The following CHODL variants were observed in gnomAD, a reference collection of about 807,000 sequenced individuals.
CHODL encodes transmembrane protein MT75.
CHODL carries 29 observed loss-of-function variants against 34.5 expected under a neutral mutation model. The observed-to-expected ratio is 0.84, with a 90% CI of 0.63 to 1.15. The LOEUF is 1.15. CHODL is among the 50% of genes most tolerant of loss of function. The probability of loss-of-function intolerance (pLI) is 0.00; values close to 1 mark genes in which losing one functional copy is unlikely to be tolerated. For synonymous variants in CHODL, 125 were observed against 116.1 expected (o/e 1.08, Z -0.49); for missense variants, 332 against 332.5 (o/e 1.00, Z 0.01).
chr21:18,108,147 C>T (rs1158145190), intron 2 of CHODL, among the ~76,000 whole-genome samples: 4 of 147,394 alleles, frequency 2.7e-5, no homozygotes, highest in African/African-American at 1.0e-4. Context: ...ATCAGATTCA[C>T]TTTTTTTTTT....
chr21:18,255,144 A>T (rs1216915637), intron 1 of CHODL, among the ~76,000 whole-genome samples: 1 of 152,094 alleles, frequency 6.6e-6, no homozygotes, highest in Non-Finnish European at 1.5e-5. Context: ...TAAGATAAAA[A>T]ATAGATTTTA....
At chr21:18,136,187 A>G (rs774056407) in intron 2 of CHODL, among the ~76,000 whole-genome samples, 6 of 151,582 alleles carry the variant, frequency 4.0e-5, no homozygotes, top group Non-Finnish European at 7.4e-5. Context: ...TGTTTTTTGT[A>G]TGTTCATTTT....
At chr21:18,217,838 A>G (rs2073845382) in intron 2 of CHODL, among the ~76,000 whole-genome samples, 1 of 152,190 alleles carries the variant, frequency 6.6e-6, no homozygotes, top group Non-Finnish European at 1.5e-5. Flanking sequence ...AATATTGGCC[A>G]AAACAAAGGG....
At chr21:17,971,976 C>T (rs1276057606) in intron 1 of CHODL, among the ~76,000 whole-genome samples, 2 of 152,204 alleles carry the variant, frequency 1.3e-5, no homozygotes, top group African/African-American at 4.8e-5. Flanking sequence ...AACAAGTCGG[C>T]TTCATCCCTG....
At chr21:18,047,419 A>G (rs2064457578) in intron 2 of CHODL, among the ~76,000 whole-genome samples, 1 of 151,934 alleles carries the variant, frequency 6.6e-6, no homozygotes, top group Admixed American at 6.6e-5. Flanking sequence ...CTTTGGATAT[A>G]TATTTTTATA....
intron 2 of CHODL, among the ~76,000 whole-genome samples, chr21:18,161,756 G>A (rs1450055632): frequency 6.6e-6 from 1 of 152,156 alleles, no homozygotes; most frequent in Non-Finnish European, 1.5e-5. Context: ...CAGGCTGCGA[G>A]TATTTCTATT....
chr21:17,963,073 AAATAATAAT>A (rs10617165), intron 1 of CHODL, among the ~76,000 whole-genome samples: 1 of 87,552 alleles, frequency 1.1e-5, no homozygotes, highest in Non-Finnish European at 2.4e-5. Flanking sequence ...CAAAAAAAAA[AAATAATAAT>A]AATAATAATA....
chr21:18,194,329 C>G (rs1409840983), intron 2 of CHODL, among the ~76,000 whole-genome samples: 1 of 152,198 alleles, frequency 6.6e-6, no homozygotes, highest in Non-Finnish European at 1.5e-5. Context: ...CTGCCCACAT[C>G]TGTGGCTTCA....
At chr21:18,232,941 T>TTTTTTATATATATATATATATATATATA (rs752640406) in intron 2 of CHODL, among the ~76,000 whole-genome samples, 1 of 97,620 alleles carries the variant, frequency 1.0e-5, no homozygotes, top group South Asian at 3.3e-4. Flanking sequence ...CATGATGTTA[T>TTTTTTATATATATATATATATATATATA]GATATATATA....
chr21:18,154,005 A>AAG, intron 2 of CHODL, among the ~76,000 whole-genome samples: 1 of 152,180 alleles, frequency 6.6e-6, no homozygotes. Flanking sequence ...AGCCAGAAGG[A>AAG]AGAGAGAGAG....
At chr21:17,954,703 G>C (rs197588) in intron 1 of CHODL, among the ~76,000 whole-genome samples, 132,845 of 132,846 alleles carry the variant, frequency 1, 66,422 homozygotes, top group Non-Finnish European at 1. Flanking sequence ...CAGGCTGGAA[G>C]TACACCACCA....
intron 1 of CHODL, among the ~76,000 whole-genome samples, chr21:17,919,044 CAG>C (rs1295909091): frequency 3.3e-5 from 5 of 152,246 alleles, no homozygotes; most frequent in Non-Finnish European, 1.5e-5. Flanking sequence ...TCCCCTTGGG[CAG>C]CTCTGCCCCT....
intron 2 of CHODL, among the ~76,000 whole-genome samples, chr21:18,145,297 C>T (rs1026351001): frequency 2.0e-5 from 3 of 147,944 alleles, no homozygotes; most frequent in Admixed American, 6.8e-5. Flanking sequence ...ATTAGCCGGG[C>T]GCGGTGGCGG....
At position 18,207,730 on chromosome 21, in the gene CHODL, G is replaced by A. The variant is rs974454601; in HGVS notation, c.-44-48779G>A. On this transcript the variant is annotated intron_variant, in intron 2 of 6. Transcript: ENST00000400127. ...TCATGTTTAAAGGATATTACCATGG[G>A]ATATAGTATTATAGGATAAAATTTT... Among the ~76,000 whole-genome samples, 5 of 145,502 alleles carry A rather than the reference G, an allele frequency of 3.4e-5. 1 individual carries two copies. The highest frequency in any genetic ancestry group is 1.3e-4 in the African/African-American group (5 of 38,160).
chr21:18,223,162 G>A (rs185130763), intron 2 of CHODL, among the ~76,000 whole-genome samples: 3 of 152,252 alleles, frequency 2.0e-5, no homozygotes, highest in Admixed American at 2.0e-4. Context: ...GTGGTAATCA[G>A]TAAAAGTCAT....
intron 1 of CHODL, among the ~76,000 whole-genome samples, chr21:17,975,763 G>A (rs13052498): frequency 0.16 from 24,850 of 151,864 alleles, 2,223 homozygotes; most frequent in Middle Eastern, 0.31. Flanking sequence ...CCATCCTCAT[G>A]TCTCCCCACC....
At chr21:17,982,487 T>TA (rs1009151672) in intron 1 of CHODL, among the ~76,000 whole-genome samples, 10 of 152,050 alleles carry the variant, frequency 6.6e-5, no homozygotes, top group Non-Finnish European at 1.3e-4. Flanking sequence ...GATACCCAGT[T>TA]AAAAAAGTAA....
intron 1 of CHODL, chr21:18,245,816 C>T: frequency 1.8e-6 from 2 of 1,110,692 alleles, no homozygotes; most frequent in Non-Finnish European, 2.6e-6. Context: ...TCTTTGTTCT[C>T]AGCAGGACTA....
intron 1 of CHODL, among the ~76,000 whole-genome samples, chr21:18,006,356 GAA>G (rs113398493): frequency 2.4e-5 from 3 of 124,176 alleles, no homozygotes; most frequent in African/African-American, 5.8e-5. Flanking sequence ...TAAAATAAAA[GAA>G]AAAAAAAAAA....
Sources: allele counts gnomAD v4.1 joint callset (sites outside exome capture counted in the v4.1 genomes callset), GRCh38; gene constraint gnomAD v4.1.1; transcripts MANE v1.5; gene names NCBI Gene and HGNC (gene_info 2026-07-23, HGNC 2026-07-21).